Variants in STK31 observed in about 807,000 individuals in gnomAD.
STK31 encodes serine/threonine kinase 31.
Under a neutral mutation model 129.7 loss-of-function variants are expected in STK31, and 89 were observed. The observed-to-expected ratio is 0.69, with a 90% CI of 0.58 to 0.82. STK31 has a LOEUF of 0.82. Among genes scored for constraint, STK31 ranks in the 40% least tolerant of loss-of-function variants. The probability of loss-of-function intolerance (pLI) is 0.00; values close to 1 mark genes in which losing one functional copy is unlikely to be tolerated. For synonymous variants in STK31, 448 were observed against 395.3 expected, an observed-to-expected ratio of 1.13 and a Z score of -1.58; for missense variants, 1,187 against 1,176.4, an observed-to-expected ratio of 1.01 and a Z score of -0.13.
intron 11 of STK31, among the ~76,000 whole-genome samples, chr7:23,763,192 G>A (rs1320858440): frequency 6.6e-6 from 1 of 152,150 alleles, no homozygotes; most frequent in African/African-American, 2.4e-5. Context: ...AGGAGCAGTA[G>A]CAGGTATGTG....
intron 3 of STK31, 86 bp downstream of exon 3, chr7:23,712,372 A>C: frequency 7.9e-7 from 1 of 1,265,390 alleles, no homozygotes; most frequent in Non-Finnish European, 1.1e-6. Context: ...CCCAGGAATA[A>C]ATACATTTGT....
chr7:23,747,930 G>T (rs74904363), intron 8 of STK31, among the ~76,000 whole-genome samples: 7,798 of 151,974 alleles, frequency 0.051, 267 homozygotes, highest in Middle Eastern at 0.088. Flanking sequence ...GGTTTTGCTG[G>T]TTTTTCTCTC....
chr7:23,756,999 C>T (rs1290093818), intron 10 of STK31, among the ~76,000 whole-genome samples: 1 of 152,234 alleles, frequency 6.6e-6, no homozygotes, highest in African/African-American at 2.4e-5. Context: ...ATAATGCTGG[C>T]TTCATAAAAT....
chr7:23,817,041 A>G (rs920582925), intron 23 of STK31, among the ~76,000 whole-genome samples: 1 of 152,170 alleles, frequency 6.6e-6, no homozygotes, highest in African/African-American at 2.4e-5. Flanking sequence ...CAAAAAAATT[A>G]GCTGGATGTG....
At chr7:23,740,698 A>G (rs1014858865) in intron 8 of STK31, among the ~76,000 whole-genome samples, 1 of 151,746 alleles carries the variant, frequency 6.6e-6, no homozygotes, top group East Asian at 1.9e-4. Flanking sequence ...TCCTGTGTCC[A>G]TGTGTTCTCA....
intron 8 of STK31, among the ~76,000 whole-genome samples, chr7:23,742,274 A>G (rs544851782): frequency 5.3e-5 from 8 of 152,210 alleles, no homozygotes; most frequent in African/African-American, 1.9e-4. Context: ...TGTATGGAGT[A>G]TGATCTACTT....
chr7:23,735,612 A>T lies in STK31; in HGVS notation c.558A>T (p.Gly186=). The change falls in exon 7 of 24, where the codon GGA becomes GGT. Residue 186 remains glycine (G), a synonymous_variant. Transcript: ENST00000355870. The part of the protein sequence containing the change: ...KMRIKATSED[G]TVIAQAEYGS... ...GAATTAAAGCAACCTCTGAAGATGG[A>T]ACAGTTATTGCTCAGGCTGAGTATG... The T allele has an allele frequency of 6.2e-7, 1 of 1,613,960 alleles. No homozygotes were observed. Among genetic ancestry groups the T allele is most frequent in the Middle Eastern group, 1.7e-4 (1 of 6,060 alleles).
chr7:23,798,445 C>A (rs10215119), intron 22 of STK31, among the ~76,000 whole-genome samples: 25,887 of 88,254 alleles, frequency 0.29, 4,871 homozygotes, highest in Admixed American at 0.33. Flanking sequence ...GCTGGTTCAA[C>A]ATATGCAAAT....
intron 22 of STK31, chr7:23,811,486 CT>C: frequency 3.4e-6 from 1 of 290,878 alleles, no homozygotes; most frequent in Non-Finnish European, 7.1e-6. Context: ...TACCTTCACC[CT>C]TGGGTCCTTC....
At chr7:23,769,494 A>T in intron 12 of STK31, 146 bp from the exon 13 acceptor site, 2 of 560,366 alleles carry the variant, frequency 3.6e-6, no homozygotes, top group East Asian at 2.9e-5. Context: ...CATAAATTTT[A>T]TGAGGGTAGG....
Position 23,727,538 on chromosome 7 carries a change from G to A in STK31, c.324+223G>A, listed in dbSNP as rs544420262. ...ATATGTAGGTTATTTTTGGTGACTA[G>A]TTATTTTTACCTCAGTTCTTTTTTT... On this transcript the variant is annotated intron_variant, in intron 5 of 23. Coordinates refer to ENST00000355870, the MANE Select transcript of STK31 (RefSeq NM_031414.5). The A allele has an allele frequency of 4.1e-5, 9 of 220,398 alleles. No homozygotes were observed. In the East Asian group the frequency reaches 1.1e-3, roughly 27 times the overall value. The allele number at this position is 220,398 out of a possible 1,614,324, so 13.7% of individuals were successfully genotyped here. A position where few individuals can be genotyped will look rare whatever the true frequency, so the allele number is the denominator to read the frequency against.
intron 10 of STK31, among the ~76,000 whole-genome samples, chr7:23,759,540 C>T (rs1490834025): frequency 6.6e-6 from 1 of 152,156 alleles, no homozygotes; most frequent in Non-Finnish European, 1.5e-5. Context: ...TTAACTTTTA[C>T]AGTATCTTCA....
At chr7:23,787,061 T>A in intron 20 of STK31, 137 bp downstream of exon 20, 2 of 763,874 alleles carry the variant, frequency 2.6e-6, no homozygotes, top group Non-Finnish European at 4.2e-6. Flanking sequence ...CTCAAGCCTG[T>A]GATAGAAGTT....
At chr7:23,742,449 G>A (rs993272861) in intron 8 of STK31, among the ~76,000 whole-genome samples, 1 of 152,220 alleles carries the variant, frequency 6.6e-6, no homozygotes, top group Non-Finnish European at 1.5e-5. Flanking sequence ...TGCTGAGGCT[G>A]CTCCAGACTT....
At chr7:23,746,288 T>C (rs1471845398) in intron 8 of STK31, among the ~76,000 whole-genome samples, 1 of 152,168 alleles carries the variant, frequency 6.6e-6, no homozygotes, top group Non-Finnish European at 1.5e-5. Context: ...GTGGCTAGAA[T>C]TGCAGGAGTT....
intron 18 of STK31, among the ~76,000 whole-genome samples, chr7:23,786,169 C>T (rs1388335740): frequency 6.6e-6 from 1 of 151,822 alleles, no homozygotes; most frequent in Non-Finnish European, 1.5e-5. Flanking sequence ...GATTTTCTTA[C>T]ATTTCTCCTT....
intron 16 of STK31, among the ~76,000 whole-genome samples, chr7:23,782,491 A>T (rs2128109146): frequency 6.7e-6 from 1 of 150,028 alleles, no homozygotes; most frequent in South Asian, 2.1e-4. Context: ...AAAAAAAAAA[A>T]AGAAAAGAAA....
At chr7:23,750,067 T>TCTCC (rs1788612132) in intron 8 of STK31, among the ~76,000 whole-genome samples, 1 of 90,554 alleles carries the variant, frequency 1.1e-5, no homozygotes. Flanking sequence ...ATGGTTTGTT[T>TCTCC]CCCCCCCCGC....
chr7:23,816,471 C>G (rs374172811), intron 23 of STK31, among the ~76,000 whole-genome samples: 1 of 152,176 alleles, frequency 6.6e-6, no homozygotes, highest in African/African-American at 2.4e-5. Flanking sequence ...ATTTCTGCTT[C>G]AGTTAATTTA....
Sources: gnomAD v4.1 joint callset for allele counts (sites outside exome capture counted in the v4.1 genomes callset) on GRCh38, gnomAD v4.1.1 for gene constraint, MANE v1.5 for transcripts, NCBI Gene and HGNC (gene_info 2026-07-23, HGNC 2026-07-21) for gene names.